Variants in MAP3K19 observed in about 807,000 individuals in gnomAD.
MAP3K19 encodes SPS1/STE20-related protein kinase YSK4.
In MAP3K19, 91 loss-of-function variants were observed where a neutral mutation model predicts 114.4. That is an observed-to-expected ratio of 0.80 (90% CI 0.67 to 0.95). MAP3K19 has a LOEUF of 0.95. Among genes scored for constraint, MAP3K19 ranks in the 40% least tolerant of loss-of-function variants. MAP3K19 has a pLI of 0.00. For synonymous variants in MAP3K19, 518 were observed against 530.5 expected, an observed-to-expected ratio of 0.98 and a Z score of 0.32; for missense variants, 1,471 against 1,573.2, an observed-to-expected ratio of 0.94 and a Z score of 1.10.
chr2:134,981,407 C>A lies in MAP3K19; in HGVS notation c.3334G>T (p.Val1112Leu). The change falls in exon 12 of 13, where the codon GTA becomes TTA. Residue 1112 changes from valine to leucine, a missense_variant. Coordinates refer to ENST00000392915, the MANE Select transcript of MAP3K19 (RefSeq NM_025052.5). ...TGTTTCAGTGCTTTGAGCAAATCTA[C>A]TTCTTCCTGTAGTTTCCGGTATTCC... ...EKEYRKLQEE[V>L]DLLKALKHVN... 1 of 1,614,224 alleles carries A rather than the reference C, an allele frequency of 6.2e-7. No individual in the cohort carries two copies.
chr2:135,032,121 G>A (rs188056898), intron 2 of MAP3K19, among the ~76,000 whole-genome samples: 1 of 152,232 alleles, frequency 6.6e-6, no homozygotes, highest in East Asian at 1.9e-4. Context: ...TAGTTTGGGA[G>A]GCCAAGGTGG....
chr2:134,985,869 AT>A lies in MAP3K19; in HGVS notation c.3002del (p.Asn1001IlefsTer53). On this transcript the variant is annotated frameshift_variant, in exon 10 of 13. Transcript: ENST00000392915. LOFTEE classifies it high-confidence loss of function. Reference sequence around the variant, plus strand: ...TACTTCCTCTCCATCTGAGGACAAGATTTAGGTTTTCAGGATCTGTTTCATT... The same window carrying A: ...TACTTCCTCTCCATCTGAGGACAAGATTAGGTTTTCAGGATCTGTTTCATT... ...MANETDPENL[N>X]LVLRWRGSTP... 1 of 1,613,994 alleles carries A rather than the reference AT, an allele frequency of 6.2e-7. No individual in the cohort carries two copies. Among genetic ancestry groups the A allele is most frequent in the Non-Finnish European group, 8.5e-7 (1 of 1,179,986 alleles).
chr2:134,989,560 G>C (rs1036752627), intron 9 of MAP3K19, among the ~76,000 whole-genome samples: 1 of 152,092 alleles, frequency 6.6e-6, no homozygotes, highest in Admixed American at 6.5e-5. Flanking sequence ...CCTAGTAACA[G>C]CCATTACAAT....
chr2:135,023,438 A>G (rs1688115749), intron 4 of MAP3K19: 1 of 533,156 alleles, frequency 1.9e-6, no homozygotes, highest in Admixed American at 1.9e-5. Flanking sequence ...TCCTCTCTGT[A>G]GAGAACTCCC....
intron 12 of MAP3K19, among the ~76,000 whole-genome samples, chr2:134,965,549 T>C (rs549544383): frequency 6.6e-6 from 1 of 152,298 alleles, no homozygotes; most frequent in East Asian, 1.9e-4. Context: ...TAGTCAATGA[T>C]TAGCTGCAAT....
At position 135,021,729 on chromosome 2, in the gene MAP3K19, T is replaced by A; in HGVS notation, c.124A>T (p.Ile42Phe). The stretch of plus-strand genomic sequence containing the variant: ...GAGGCTCTTACCTCACTTCTGCTGA[T>A]GCTTTGCAAGATGATGTTTTGATTT... Reference protein sequence around the residue: ...TKNQNIILQSISRSEEFDQDG... With the variant: ...TKNQNIILQSFSRSEEFDQDG... The change falls in exon 5 of 13, where the codon ATC becomes TTC. Residue 42 changes from isoleucine to phenylalanine, a missense_variant. By Grantham distance (21) the Ile-to-Phe change is conservative. Transcript: ENST00000392915. 5 of 1,609,258 alleles carry A rather than the reference T, an allele frequency of 3.1e-6. No homozygotes were observed. In the South Asian group the frequency reaches 5.5e-5, roughly 18 times the overall value.
At chr2:135,018,213 C>T (rs917989697) in intron 5 of MAP3K19, among the ~76,000 whole-genome samples, 21 of 150,122 alleles carry the variant, frequency 1.4e-4, no homozygotes, top group African/African-American at 5.2e-4. Context: ...ATCACTTGAA[C>T]CCGGGCAGCG....
chr2:135,043,819 C>T (rs560270907), intron 1 of MAP3K19, among the ~76,000 whole-genome samples: 124 of 152,318 alleles, frequency 8.1e-4, no homozygotes, highest in African/African-American at 2.7e-3. Flanking sequence ...CTGGGAGGCT[C>T]CCAATCAGTT....
intron 11 of MAP3K19, 175 bp downstream of exon 11, chr2:134,983,501 G>A (rs1246384139): frequency 1.6e-6 from 1 of 609,306 alleles, no homozygotes. Flanking sequence ...GGATAAAGCA[G>A]TAACTGTCCT....
rs1173929958 is a variant in MAP3K19, at chr2:134,999,906, C to T, written c.314+31G>A. On this transcript the variant is annotated intron_variant, in intron 7 of 12. Transcript: ENST00000392915. The surrounding 1 kb of genome is among the most constrained non-coding windows in gnomAD (Gnocchi z 4.1). Reference sequence around the variant, plus strand: ...ACTATCATTGCTTCATACTTCATTTCAAATCTGATACTTCAAAGAATATTC... The same window carrying T: ...ACTATCATTGCTTCATACTTCATTTTAAATCTGATACTTCAAAGAATATTC... 1 of 1,428,412 alleles carries T rather than the reference C, an allele frequency of 7.0e-7. No homozygotes were observed. The highest frequency in any genetic ancestry group is 1.4e-5 in the African/African-American group (1 of 71,162). The allele number at this position is 1,428,412 out of a possible 1,614,324, so 88.5% of individuals were successfully genotyped here.
chr2:134,986,097 A>G lies in MAP3K19; in HGVS notation c.2775T>C (p.His925=). ...ASSQTYQYWV[H]YLDHDSLANK... is the part of the protein sequence containing the mutation. The stretch of plus-strand genomic sequence containing the variant: ...TTGCTAAACTATCATGATCCAAATA[A>G]TGTACCCAATATTGATATGTCTGGG... Residue 925 remains histidine (H), a synonymous_variant, in exon 10 of 13, where the codon CAT becomes CAC. Transcript: ENST00000392915. 1 of 1,614,038 alleles carries G rather than the reference A, an allele frequency of 6.2e-7. No homozygotes were observed. The highest frequency in any genetic ancestry group is 2.2e-5 in the East Asian group (1 of 44,874).
chr2:134,983,118 C>T (rs930801540), intron 11 of MAP3K19: 1 of 496,186 alleles, frequency 2.0e-6, no homozygotes, highest in Middle Eastern at 3.3e-4. Context: ...ACTATAGTCA[C>T]CCTACTGTGT....
At position 134,988,148 on chromosome 2, in the gene MAP3K19, TGA is replaced by T; in HGVS notation, c.722_723del (p.Leu241HisfsTer6). The T allele has an allele frequency of 6.2e-7, 1 of 1,614,014 alleles. No homozygotes were observed. Among genetic ancestry groups the T allele is most frequent in the Non-Finnish European group, 8.5e-7 (1 of 1,179,988 alleles). On this transcript the variant is annotated frameshift_variant, in exon 10 of 13. Transcript: ENST00000392915. LOFTEE classifies it high-confidence loss of function. Reference protein sequence around the residue: ...PKEKERNIPSLTSFVPKLSVS... With the variant: ...PKEKERNIPSXTSFVPKLSVS... ...ACTGAGAGCTTAGGCACAAAAGATGTGAGACTTGGAATGTTTCTTTCTTTTTC... is the reference window on the plus strand; with the variant it reads ...ACTGAGAGCTTAGGCACAAAAGATGTGACTTGGAATGTTTCTTTCTTTTTC...
At chr2:134,971,897 T>C (rs531798075) in intron 12 of MAP3K19, among the ~76,000 whole-genome samples, 27 of 152,088 alleles carry the variant, frequency 1.8e-4, no homozygotes, top group African/African-American at 6.5e-4. Flanking sequence ...TTTTTCTGTA[T>C]TTCATTTAAT....
intron 4 of MAP3K19, among the ~76,000 whole-genome samples, chr2:135,023,908 A>G (rs1558739995): frequency 6.6e-6 from 1 of 151,800 alleles, no homozygotes; most frequent in Non-Finnish European, 1.5e-5. Context: ...GAAAAAAAAA[A>G]GTGATGTCCT....
intron 5 of MAP3K19, among the ~76,000 whole-genome samples, chr2:135,012,932 A>C (rs1687330612): frequency 1.4e-5 from 2 of 148,014 alleles, no homozygotes. Context: ...TTCCAGAACA[A>C]ACCCCCAAAC....
intron 11 of MAP3K19, among the ~76,000 whole-genome samples, chr2:134,982,524 T>C (rs529011290): frequency 6.6e-6 from 1 of 151,890 alleles, no homozygotes; most frequent in Admixed American, 6.6e-5. Context: ...CTAATTTTTG[T>C]ATTTTTAGTA....
intron 5 of MAP3K19, among the ~76,000 whole-genome samples, chr2:135,008,244 T>C (rs1559175612): frequency 6.6e-6 from 1 of 152,020 alleles, no homozygotes; most frequent in Non-Finnish European, 1.5e-5. Flanking sequence ...TGTCTCAACC[T>C]CTCGAGTAGC....
At chr2:134,976,151 T>C (rs1348070251) in intron 12 of MAP3K19, among the ~76,000 whole-genome samples, 1 of 152,124 alleles carries the variant, frequency 6.6e-6, no homozygotes, top group Non-Finnish European at 1.5e-5. Flanking sequence ...GTTCCAAGGA[T>C]ATGGAGTTGC....
Sources: allele counts gnomAD v4.1 joint callset (sites outside exome capture counted in the v4.1 genomes callset), GRCh38; gene constraint gnomAD v4.1.1; non-coding constraint Gnocchi (gnomAD v3.1); transcripts MANE v1.5; gene names NCBI Gene and HGNC (gene_info 2026-07-23, HGNC 2026-07-21).